Variants in MEIOSIN observed in about 807,000 individuals in gnomAD.
The protein encoded by MEIOSIN is meiosis initiator protein.
Under a neutral mutation model 23.4 loss-of-function variants are expected in MEIOSIN, and 18 were observed. The ratio of observed to expected loss-of-function variants is 0.77; its 90% CI spans 0.53 to 1.14. The LOEUF is 1.14. Ranked by LOEUF, MEIOSIN falls within the 50% of genes most tolerant of loss-of-function variation. The probability of loss-of-function intolerance (pLI) is 0.00; values close to 1 mark genes in which losing one functional copy is unlikely to be tolerated. For missense variants in MEIOSIN, 428 were observed against 242.9 expected, an observed-to-expected ratio of 1.76 and a Z score of -5.07; for synonymous variants, 187 against 100.6, an observed-to-expected ratio of 1.86 and a Z score of -5.14.
At chr19:45,760,556 A>G (rs1002496299) in intron 11 of MEIOSIN, among the ~76,000 whole-genome samples, 3 of 151,858 alleles carry the variant, frequency 2.0e-5, no homozygotes, top group Admixed American at 1.3e-4. Context: ...CAGTAAGCCA[A>G]GATGGCACCG....
chr19:45,756,725 G>C (rs751153138), intron 8 of MEIOSIN, among the ~76,000 whole-genome samples: 2 of 152,048 alleles, frequency 1.3e-5, no homozygotes, highest in Non-Finnish European at 2.9e-5. Context: ...CACCCGGCCC[G>C]GATATTTCAC....
In MEIOSIN at chr19:45,764,341, G is replaced by A. The variant is rs1449490598; in HGVS notation, c.*223G>A. ...CTGCCTTGATTCTCCCCCAGGCTTAGGAAGGAAACCCAAAATGAAATGCGG... is the reference window on the plus strand; with the variant it reads ...CTGCCTTGATTCTCCCCCAGGCTTAAGAAGGAAACCCAAAATGAAATGCGG... On this transcript the variant is annotated 3_prime_UTR_variant, in exon 15 of 15. Coordinates refer to ENST00000457052, the MANE Select transcript of MEIOSIN (RefSeq NM_001310124.2). The A allele has an allele frequency of 5.1e-6, 2 of 391,024 alleles. No individual in the cohort carries two copies. Among genetic ancestry groups the A allele is most frequent in the Admixed American group, 4.5e-5 (1 of 22,458 alleles). 24.2% of individuals were successfully genotyped at this position (391,024 alleles called of 1,614,324 possible). A position where few individuals can be genotyped will look rare whatever the true frequency, so the allele number is the denominator to read the frequency against.
chr19:45,762,521 G>T (rs566344297), intron 13 of MEIOSIN, among the ~76,000 whole-genome samples: 1 of 152,054 alleles, frequency 6.6e-6, no homozygotes, highest in Non-Finnish European at 1.5e-5. Flanking sequence ...TCTGCCTCCC[G>T]GGCTCAAATC....
At position 45,736,537 on chromosome 19, in the gene MEIOSIN, G is replaced by T. The variant is rs1225301920; in HGVS notation, c.71+1090G>T. 2.0e-5 allele frequency among the ~76,000 whole-genome samples: 3 copies of T among 149,322 alleles called. No homozygotes were observed. In the East Asian group the frequency reaches 6.0e-4, roughly 30 times the overall value. ...ACCACTATGCTCAGCTAATTTTTTT[G>T]TGTGTATTTTTAGTAGAGACAGGGT... On this transcript the variant is annotated intron_variant, in intron 2 of 14. Transcript: ENST00000457052.
At chr19:45,734,469 G>A (rs1454761577) in intron 1 of MEIOSIN, among the ~76,000 whole-genome samples, 1 of 152,082 alleles carries the variant, frequency 6.6e-6, no homozygotes, top group African/African-American at 2.4e-5. Context: ...GGGTATCTCA[G>A]TATTAGAATT....
intron 3 of MEIOSIN, 68 bp from the exon 4 acceptor site, chr19:45,745,124 G>T (rs1968568575): frequency 1.4e-6 from 1 of 699,102 alleles, no homozygotes; most frequent in Admixed American, 2.0e-5. Flanking sequence ...ACAGACAGGA[G>T]GTTTGCGGGT....
Position 45,745,243 on chromosome 19 carries a change from A to G in MEIOSIN, c.228A>G (p.Lys76=), listed in dbSNP as rs377347938. The G allele has an allele frequency of 3.5e-4, 245 of 702,972 alleles. No individual in the cohort carries two copies. The South Asian group carries it at 3.5e-3, about 10-fold the overall frequency. The allele number at this position is 702,972 out of a possible 1,614,324, so 43.5% of individuals were successfully genotyped here. ...KLLSPNKKQR[K]NHTSKLQELA... is the part of the protein sequence containing the mutation. ...TGTCCCCAAACAAGAAGCAGAGGAA[A>G]AACCACACTAGCAAGCTGCAAGAGT... Residue 76 remains lysine, a synonymous_variant, in exon 4 of 15, where the codon AAA becomes AAG. Transcript: ENST00000457052.
At chr19:45,741,150 C>T (rs1968498064) in intron 3 of MEIOSIN, among the ~76,000 whole-genome samples, 1 of 152,056 alleles carries the variant, frequency 6.6e-6, no homozygotes, top group South Asian at 2.1e-4. Context: ...GAGTTCGAGA[C>T]CAGTCTGGCC....
At chr19:45,748,738 A>G (rs1194470701) in intron 4 of MEIOSIN, among the ~76,000 whole-genome samples, 1 of 152,170 alleles carries the variant, frequency 6.6e-6, no homozygotes, top group Non-Finnish European at 1.5e-5. Flanking sequence ...TGCCAACCAT[A>G]TGCTCCAAGC....
At chr19:45,758,315 A>C (rs934012813) in intron 9 of MEIOSIN, among the ~76,000 whole-genome samples, 10 of 151,988 alleles carry the variant, frequency 6.6e-5, no homozygotes, top group African/African-American at 2.4e-4. Context: ...CTTGTTGCAG[A>C]GCTGCAGGTA....
Position 45,739,773 on chromosome 19 carries a change from A to G in MEIOSIN, c.176+43A>G, listed in dbSNP as rs1328075409. On this transcript the variant is annotated intron_variant, in intron 3 of 14. Coordinates refer to ENST00000457052, the MANE Select transcript of MEIOSIN (RefSeq NM_001310124.2). ...GGGGGGATTGGATGTTGGCCAAGCA[A>G]AAACATAGCCCATTGTTCAACACCT... 8.5e-6 allele frequency: 6 copies of G among 703,184 alleles called. No homozygotes were observed. The African/African-American group carries it at 1.0e-4, about 12-fold the overall frequency. The allele number at this position is 703,184 out of a possible 1,614,324, so 43.6% of individuals were successfully genotyped here.
At chr19:45,736,744 A>G (rs1047196201) in intron 2 of MEIOSIN, among the ~76,000 whole-genome samples, 2 of 138,046 alleles carry the variant, frequency 1.4e-5, no homozygotes, top group Admixed American at 1.5e-4. Context: ...AATTTTTTAT[A>G]TTTTTTTTAG....
chr19:45,753,981 G>A (rs1968766992), intron 6 of MEIOSIN, among the ~76,000 whole-genome samples, 193 bp downstream of exon 6: 1 of 152,060 alleles, frequency 6.6e-6, no homozygotes, highest in African/African-American at 2.4e-5. Flanking sequence ...GCAGAACCTG[G>A]GCATCAGTAT....
In MEIOSIN at chr19:45,764,389, C is replaced by T. The variant is rs778073657; in HGVS notation, c.*271C>T. 1 of 355,244 alleles carries T rather than the reference C, an allele frequency of 2.8e-6. No homozygotes were observed. Among genetic ancestry groups the T allele is most frequent in the Admixed American group, 4.7e-5 (1 of 21,262 alleles). 22.0% of individuals were successfully genotyped at this position (355,244 alleles called of 1,614,324 possible). ...CGGGGTGTCGGAAGGTGAAGTTTACCCACCCCTCTCCCCTTCCCTTCCCCA... is the reference window on the plus strand; with the variant it reads ...CGGGGTGTCGGAAGGTGAAGTTTACTCACCCCTCTCCCCTTCCCTTCCCCA... On this transcript the variant is annotated 3_prime_UTR_variant, in exon 15 of 15. Coordinates refer to ENST00000457052, the MANE Select transcript of MEIOSIN (RefSeq NM_001310124.2).
chr19:45,760,520 C>T (rs1250958985), intron 11 of MEIOSIN, among the ~76,000 whole-genome samples: 1 of 152,066 alleles, frequency 6.6e-6, no homozygotes, highest in Non-Finnish European at 1.5e-5. Flanking sequence ...GCAGAAGAAT[C>T]GCTTAAACCT....
intron 5 of MEIOSIN, among the ~76,000 whole-genome samples, 153 bp from the exon 6 acceptor site, chr19:45,753,498 C>A (rs1025725719): frequency 2.6e-5 from 4 of 152,172 alleles, no homozygotes; most frequent in African/African-American, 9.7e-5. Flanking sequence ...CCTGACTGAG[C>A]GGCCTTGGAT....
At chr19:45,743,118 T>G (rs1327221978) in intron 3 of MEIOSIN, among the ~76,000 whole-genome samples, 1 of 152,156 alleles carries the variant, frequency 6.6e-6, no homozygotes, top group Non-Finnish European at 1.5e-5. Context: ...GCCCAGACAC[T>G]GGGGATGCCA....
chr19:45,762,391 T>C (rs1351423445), intron 13 of MEIOSIN, among the ~76,000 whole-genome samples: 1 of 152,144 alleles, frequency 6.6e-6, no homozygotes, highest in African/African-American at 2.4e-5. Context: ...TGAAACCCAA[T>C]TCAGGCTTTA....
intron 2 of MEIOSIN, 102 bp from the exon 3 acceptor site, chr19:45,739,524 C>T (rs1968464041): frequency 1.5e-6 from 1 of 680,496 alleles, no homozygotes; most frequent in Non-Finnish European, 2.7e-6. Context: ...ACTCCATATA[C>T]CCAGAAGAGA....
Sources: allele counts gnomAD v4.1 joint callset (sites outside exome capture counted in the v4.1 genomes callset), GRCh38; gene constraint gnomAD v4.1.1; transcripts MANE v1.5; gene names NCBI Gene and HGNC (gene_info 2026-07-23, HGNC 2026-07-21).